TMTC1: variants seen among roughly 807,000 people sequenced by gnomAD.
TMTC1 encodes the protein protein O-mannosyl-transferase TMTC1.
Under a neutral mutation model 104.8 loss-of-function variants are expected in TMTC1, and 73 were observed. That is an observed-to-expected ratio of 0.70 (90% CI 0.58 to 0.85). The LOEUF is 0.85. Among genes scored for constraint, TMTC1 ranks in the 40% least tolerant of loss-of-function variants. TMTC1 has a pLI of 0.00. For missense variants in TMTC1, 1,035 were observed against 1,096.1 expected, an observed-to-expected ratio of 0.94 and a Z score of 0.79; for synonymous variants, 434 against 428.7, an observed-to-expected ratio of 1.01 and a Z score of -0.15.
At chr12:29,625,736 G>C (rs946620065) in intron 6 of TMTC1, among the ~76,000 whole-genome samples, 9 of 152,182 alleles carry the variant, frequency 5.9e-5, no homozygotes, top group African/African-American at 2.2e-4. Flanking sequence ...CCTGTGTGCA[G>C]GGTCTACTGC....
intron 5 of TMTC1, among the ~76,000 whole-genome samples, chr12:29,685,395 A>C (rs961484993): frequency 1.3e-5 from 2 of 152,044 alleles, no homozygotes; most frequent in African/African-American, 4.8e-5. Flanking sequence ...CCAGGAAAGC[A>C]GAGAATAGCC....
chr12:29,501,219 A>C lies in TMTC1; in HGVS notation c.*5627T>G, dbSNP rs1013212468. 6.6e-6 allele frequency: 1 copy of C among 152,198 alleles called. No homozygotes were observed. The highest frequency in any genetic ancestry group is 1.5e-5 in the Non-Finnish European group (1 of 68,032). 9.4% of individuals were successfully genotyped at this position (152,198 alleles called of 1,614,324 possible). A position where few individuals can be genotyped will look rare whatever the true frequency, so the allele number is the denominator to read the frequency against. On this transcript the variant is annotated 3_prime_UTR_variant, in exon 18 of 18. Coordinates refer to ENST00000539277, the MANE Select transcript of TMTC1 (RefSeq NM_001193451.2). ...GTAACAATCACTGTAGGAATTTTTA[A>C]GTGCACAAACTGCAAAATAGGAGTA...
intron 8 of TMTC1, among the ~76,000 whole-genome samples, chr12:29,574,328 A>G (rs1371467634): frequency 6.6e-6 from 1 of 152,156 alleles, no homozygotes; most frequent in African/African-American, 2.4e-5. Flanking sequence ...TTTGTTGGAA[A>G]TTAACCTTTC....
intron 1 of TMTC1, among the ~76,000 whole-genome samples, chr12:29,772,387 A>G (rs1048036226): frequency 2.0e-5 from 3 of 152,200 alleles, no homozygotes; most frequent in African/African-American, 7.2e-5. Flanking sequence ...TAAAGAGGAA[A>G]GTGAAATATT....
intron 6 of TMTC1, among the ~76,000 whole-genome samples, chr12:29,626,538 G>A (rs1479060339): frequency 6.6e-6 from 1 of 152,068 alleles, no homozygotes. Context: ...AGGTGTTTAG[G>A]GAGAAAGAAT....
chr12:29,687,044 A>G (rs756250370), intron 5 of TMTC1, among the ~76,000 whole-genome samples: 29 of 152,246 alleles, frequency 1.9e-4, no homozygotes, highest in Non-Finnish European at 3.8e-4. Context: ...AAACAAATGT[A>G]TAAGAGATAT....
chr12:29,515,978 T>C (rs1341676465), intron 15 of TMTC1, among the ~76,000 whole-genome samples: 1 of 151,668 alleles, frequency 6.6e-6, no homozygotes, highest in Admixed American at 6.6e-5. Flanking sequence ...TATTGTTTTA[T>C]GTAATCCTCA....
intron 6 of TMTC1, among the ~76,000 whole-genome samples, chr12:29,627,219 G>T (rs1307386536): frequency 3.3e-5 from 5 of 152,152 alleles, no homozygotes; most frequent in Non-Finnish European, 7.3e-5. Flanking sequence ...TCTTTTAGGG[G>T]TTTAATATCC....
intron 5 of TMTC1, among the ~76,000 whole-genome samples, chr12:29,730,480 T>C (rs1345577994): frequency 6.6e-6 from 1 of 152,182 alleles, no homozygotes; most frequent in Non-Finnish European, 1.5e-5. Context: ...ATAATACCCA[T>C]GCCTAGAGAC....
intron 5 of TMTC1, among the ~76,000 whole-genome samples, chr12:29,638,780 TCA>T (rs1938691417): frequency 6.6e-6 from 1 of 152,070 alleles, no homozygotes; most frequent in Admixed American, 6.5e-5. Flanking sequence ...CACTCCCCCA[TCA>T]CACACCCTGC....
At chr12:29,732,518 A>G (rs1472727015) in intron 5 of TMTC1, among the ~76,000 whole-genome samples, 1 of 152,236 alleles carries the variant, frequency 6.6e-6, no homozygotes, top group Non-Finnish European at 1.5e-5. Flanking sequence ...CTTAAAGGCC[A>G]GAGAAATCCC....
At chr12:29,720,660 T>C (rs1942212103) in intron 5 of TMTC1, among the ~76,000 whole-genome samples, 2 of 151,664 alleles carry the variant, frequency 1.3e-5, no homozygotes, top group African/African-American at 4.8e-5. Flanking sequence ...CTAGAGTTAA[T>C]AGAAATGGGG....
chr12:29,693,636 T>C (rs1415327770), intron 5 of TMTC1, among the ~76,000 whole-genome samples: 4 of 152,240 alleles, frequency 2.6e-5, no homozygotes, highest in Non-Finnish European at 5.9e-5. Context: ...TGCTGTGCAC[T>C]AAAAATGGGT....
At position 29,517,437 on chromosome 12, in the gene TMTC1, C is replaced by A. The variant is rs201476511; in HGVS notation, c.2159G>T (p.Arg720Leu). 14 of 1,614,052 alleles carry A rather than the reference C, an allele frequency of 8.7e-6. No homozygotes were observed. The Admixed American group carries it at 1.5e-4, about 17-fold the overall frequency. ...TTTCATCCTACTCACCAGTGCCAAG[C>A]GGAGCTCCCTCTGAGAAGGCTGAAG... ...AALQPSQREL[R>L]LALAQVLAVM... Residue 720 changes from arginine (R) to leucine (L), a missense_variant, in exon 14 of 18, where the codon CGC becomes CTC. By Grantham distance (102) the Arg-to-Leu change is moderately radical. Transcript: ENST00000539277.
chr12:29,759,217 C>G (rs1015403610), intron 2 of TMTC1, among the ~76,000 whole-genome samples: 2 of 152,104 alleles, frequency 1.3e-5, no homozygotes, highest in Non-Finnish European at 2.9e-5. Flanking sequence ...AGAATGGGGC[C>G]GGGCAGGATG....
At chr12:29,596,634 G>A (rs159703) in intron 7 of TMTC1, among the ~76,000 whole-genome samples, 41,073 of 152,060 alleles carry the variant, frequency 0.27, 5,808 homozygotes, top group East Asian at 0.38. Context: ...TCACAAAGCT[G>A]GTGCATTGAG....
intron 5 of TMTC1, among the ~76,000 whole-genome samples, chr12:29,645,928 C>T (rs770339154): frequency 3.3e-5 from 5 of 152,216 alleles, no homozygotes; most frequent in Non-Finnish European, 4.4e-5. Flanking sequence ...GTGGGCATTA[C>T]GCTCATTCTT....
intron 1 of TMTC1, among the ~76,000 whole-genome samples, chr12:29,777,231 A>T (rs1046728805): frequency 2.0e-5 from 3 of 151,964 alleles, no homozygotes; most frequent in African/African-American, 7.3e-5. Flanking sequence ...AGCAGCTGGG[A>T]CTACAGGTGC....
intron 11 of TMTC1, among the ~76,000 whole-genome samples, chr12:29,523,655 C>G (rs1440096147): frequency 6.6e-6 from 1 of 151,806 alleles, no homozygotes; most frequent in Non-Finnish European, 1.5e-5. Context: ...CTTATTTGGT[C>G]TTAAGTTTTA....
Sources: allele counts gnomAD v4.1 joint callset (sites outside exome capture counted in the v4.1 genomes callset), GRCh38; gene constraint gnomAD v4.1.1; transcripts MANE v1.5; gene names NCBI Gene and HGNC (gene_info 2026-07-23, HGNC 2026-07-21).